The following PCDHGA5 variants were observed in gnomAD, a reference collection of about 807,000 sequenced individuals.
PCDHGA5 encodes the protein protocadherin gamma subfamily A, 5.
PCDHGA5 carries 36 observed loss-of-function variants against 56.7 expected under a neutral mutation model. That is an observed-to-expected ratio of 0.64 (90% CI 0.49 to 0.84). The LOEUF (loss-of-function observed/expected upper bound fraction) is 0.84. Ranked by LOEUF, PCDHGA5 falls within the 40% of genes least tolerant of loss-of-function variation. The probability of loss-of-function intolerance (pLI) is 0.00; values close to 1 mark genes in which losing one functional copy is unlikely to be tolerated. For synonymous variants in PCDHGA5, 563 were observed against 520.2 expected (o/e 1.08, Z -1.12); for missense variants, 1,305 against 1,201.5 (o/e 1.09, Z -1.27).
chr5:141,428,169 G>A (rs758370904), intron 1 of PCDHGA5: 1 of 1,540,076 alleles, frequency 6.5e-7, no homozygotes, highest in Non-Finnish European at 8.9e-7. Flanking sequence ...GTTGCTGTGC[G>A]TGACGGAGGA....
intron 1 of PCDHGA5, among the ~76,000 whole-genome samples, chr5:141,425,410 A>G (rs1283299220): frequency 2.0e-5 from 3 of 152,240 alleles, no homozygotes; most frequent in African/African-American, 7.2e-5. Flanking sequence ...TTAAGGTATA[A>G]CATATAGTCC....
chr5:141,456,043 G>A (rs62379189), intron 1 of PCDHGA5, among the ~76,000 whole-genome samples: 6,917 of 151,746 alleles, frequency 0.046, 202 homozygotes, highest in Middle Eastern at 0.086. Flanking sequence ...GACTACAGGC[G>A]CCCACCACCA....
Position 141,424,000 on chromosome 5 carries a change from A to G in PCDHGA5, c.2421+57249A>G, listed in dbSNP as rs2096794510. On this transcript the variant is annotated intron_variant, in intron 1 of 3. Coordinates refer to ENST00000518069, the MANE Select transcript of PCDHGA5 (RefSeq NM_018918.3). ...ATGAGGCTCTCAATTTATTATATAT[A>G]GATACAAATTAATGATTCACAAACA... 5 of 1,076,368 alleles carry G rather than the reference A, an allele frequency of 4.6e-6. No homozygotes were observed. In the South Asian group the frequency reaches 1.4e-4, roughly 30 times the overall value. 66.7% of individuals were successfully genotyped at this position (1,076,368 alleles called of 1,614,324 possible).
At chr5:141,474,754 T>C (rs1351752958) in intron 1 of PCDHGA5, among the ~76,000 whole-genome samples, 4 of 152,228 alleles carry the variant, frequency 2.6e-5, no homozygotes, top group Non-Finnish European at 4.4e-5. Flanking sequence ...CCAAGACAAA[T>C]ATACAGAAAT....
rs758172962 is a variant in PCDHGA5, at chr5:141,364,474, A to G, written c.144A>G (p.Ile48Met). 6.8e-6 allele frequency: 11 copies of G among 1,614,012 alleles called. 1 individual carries two copies. Among genetic ancestry groups the G allele is most frequent in the Middle Eastern group, 1.7e-4 (1 of 6,056 alleles). ...ELDKGSFVGNIAKDLGLEPQE... is the reference protein window; with the variant it reads ...ELDKGSFVGNMAKDLGLEPQE... Reference sequence around the variant, plus strand: ...ACAAAGGCTCCTTCGTCGGCAACATAGCCAAGGACCTTGGGCTGGAGCCCC... The same window carrying G: ...ACAAAGGCTCCTTCGTCGGCAACATGGCCAAGGACCTTGGGCTGGAGCCCC... The change falls in exon 1 of 4, where the codon ATA (isoleucine) becomes ATG (methionine). Residue 48 changes from isoleucine to methionine, a missense_variant. Ile to Met is a conservative substitution (Grantham distance 10, BLOSUM62 1). Transcript: ENST00000518069.
intron 1 of PCDHGA5, chr5:141,418,621 C>T: frequency 6.2e-7 from 1 of 1,614,034 alleles, no homozygotes; most frequent in Non-Finnish European, 8.5e-7. Flanking sequence ...TTCGGGAAGA[C>T]GTGCCTCCAG....
In PCDHGA5 at chr5:141,414,961, G is replaced by A. The variant is rs1357376957; in HGVS notation, c.2421+48210G>A. Reference sequence around the variant, plus strand: ...GCCCGGCTACCTGGTGACCAAGGTGGTGGCGGTGGACAGAGACTCCGGCCA... The same window carrying A: ...GCCCGGCTACCTGGTGACCAAGGTGATGGCGGTGGACAGAGACTCCGGCCA... On this transcript the variant is annotated intron_variant, in intron 1 of 3. Transcript: ENST00000518069. 2.5e-6 allele frequency: 4 copies of A among 1,614,028 alleles called. No individual in the cohort carries two copies. In the Admixed American group the frequency reaches 6.7e-5, roughly 27 times the overall value.
At position 141,365,402 on chromosome 5, in the gene PCDHGA5, G is replaced by A. The variant is rs1437859206; in HGVS notation, c.1072G>A (p.Glu358Lys). 1.2e-6 allele frequency: 2 copies of A among 1,613,998 alleles called. No individual in the cohort carries two copies. Among genetic ancestry groups the A allele is most frequent in the South Asian group, 2.2e-5 (2 of 91,088 alleles). The change falls in exon 1 of 4, where the codon GAA becomes AAA. Residue 358 changes from glutamate (E) to lysine (K), a missense_variant. Coordinates refer to ENST00000518069, the MANE Select transcript of PCDHGA5 (RefSeq NM_018918.3). Reference sequence around the variant, plus strand: ...CACCTCTCTGACCAGTTCGATCTCTGAAGACTGTCTTCCCGGAACTGTAAT... The same window carrying A: ...CACCTCTCTGACCAGTTCGATCTCTAAAGACTGTCTTCCCGGAACTGTAAT... ...ILTSLTSSIS[E>K]DCLPGTVIAL...
At chr5:141,447,696 G>A (rs1273958794) in intron 1 of PCDHGA5, among the ~76,000 whole-genome samples, 1 of 152,096 alleles carries the variant, frequency 6.6e-6, no homozygotes, top group Non-Finnish European at 1.5e-5. Context: ...TAGAGGGATG[G>A]GTTATAAGGA....
rs777535962 is a variant in PCDHGA5, at chr5:141,431,195, G to T, written c.2422-63612G>T. The T allele has an allele frequency of 1.2e-6, 2 of 1,614,166 alleles. No homozygotes were observed. Among genetic ancestry groups the T allele is most frequent in the East Asian group, 2.2e-5 (1 of 44,890 alleles). On this transcript the variant is annotated intron_variant, in intron 1 of 3. Transcript: ENST00000518069. The surrounding 1 kb of genome is among the most constrained non-coding windows in gnomAD (Gnocchi z 4.8). ...ATTAGAAATAAAAATTAGTGAAAAT[G>T]CAGCCACTGAGATGCGGTTCCCTCT... is the stretch of plus-strand genomic sequence containing the variant.
At chr5:141,475,322 G>A (rs1352768659) in intron 1 of PCDHGA5, among the ~76,000 whole-genome samples, 1 of 152,204 alleles carries the variant, frequency 6.6e-6, no homozygotes, top group African/African-American at 2.4e-5. Flanking sequence ...CTTAAGAAAT[G>A]AGAGCTAACA....
intron 1 of PCDHGA5, among the ~76,000 whole-genome samples, chr5:141,425,967 G>A (rs1021171082): frequency 2.0e-5 from 3 of 152,214 alleles, no homozygotes; most frequent in Non-Finnish European, 4.4e-5. Flanking sequence ...CAACACATCA[G>A]TCTAATTCTG....
At chr5:141,400,192 G>A (rs1411721247) in intron 1 of PCDHGA5, 1 of 1,614,088 alleles carries the variant, frequency 6.2e-7, no homozygotes, top group South Asian at 1.1e-5. Context: ...GTTTTACCTA[G>A]TGGTGGCCTT....
chr5:141,381,835 T>TCTTTCTTCTTC (rs1561589443), intron 1 of PCDHGA5, among the ~76,000 whole-genome samples: 174 of 141,116 alleles, frequency 1.2e-3, no homozygotes, highest in African/African-American at 4.6e-3. Flanking sequence ...TCTTTTTTTT[T>TCTTTCTTCTTC]TTTTTTTTTT....
chr5:141,393,905 A>G, intron 1 of PCDHGA5: 1 of 1,614,030 alleles, frequency 6.2e-7, no homozygotes, highest in Non-Finnish European at 8.5e-7. Flanking sequence ...TTCCCGGGAC[A>G]GTAATTGCCT....
Position 141,489,712 on chromosome 5 carries a change from C to T in PCDHGA5, c.2422-5095C>T. On this transcript the variant is annotated intron_variant, in intron 1 of 3. Coordinates refer to ENST00000518069, the MANE Select transcript of PCDHGA5 (RefSeq NM_018918.3). The surrounding 1 kb of genome is among the most constrained non-coding windows in gnomAD (Gnocchi z 4.5). The stretch of plus-strand genomic sequence containing the variant: ...GGCACGATTCCCACTGGACAGTGCC[C>T]AGGATCCGGATGTGGGCACCAATAC... The T allele has an allele frequency of 6.2e-7, 1 of 1,614,162 alleles. No individual in the cohort carries two copies. The highest frequency in any genetic ancestry group is 1.1e-5 in the South Asian group (1 of 91,078).
At chr5:141,478,163 C>T (rs779617960) in intron 1 of PCDHGA5, 1 of 1,614,028 alleles carries the variant, frequency 6.2e-7, no homozygotes, top group Non-Finnish European at 8.5e-7. Context: ...TGGCTCTGCC[C>T]CCCGGGAGCA....
intron 1 of PCDHGA5, chr5:141,393,901 G>T: frequency 6.2e-7 from 1 of 1,613,894 alleles, no homozygotes; most frequent in Non-Finnish European, 8.5e-7. Context: ...TCTCTTCCCG[G>T]GACAGTAATT....
At chr5:141,422,424 T>G (rs1182660567) in intron 1 of PCDHGA5, 3 of 1,607,958 alleles carry the variant, frequency 1.9e-6, no homozygotes, top group Non-Finnish European at 2.5e-6. Flanking sequence ...AAAAGACTTA[T>G]GGAAATTATT....
Sources: allele counts gnomAD v4.1 joint callset (sites outside exome capture counted in the v4.1 genomes callset), GRCh38; gene constraint gnomAD v4.1.1; non-coding constraint Gnocchi (gnomAD v3.1); transcripts MANE v1.5; gene names NCBI Gene and HGNC (gene_info 2026-07-23, HGNC 2026-07-21).